Variants in STK38L observed in about 807,000 individuals in gnomAD.
STK38L encodes serine/threonine kinase 38 like.
In STK38L, 28 loss-of-function variants were observed where a neutral mutation model predicts 59.7. The ratio of observed to expected loss-of-function variants is 0.47; its 90% confidence interval spans 0.35 to 0.64. The LOEUF (loss-of-function observed/expected upper bound fraction) is 0.64. Ranked by LOEUF, STK38L falls within the 30% of genes least tolerant of loss-of-function variation. STK38L has a pLI of 0.01. For synonymous variants in STK38L, 162 were observed against 176.8 expected, an observed-to-expected ratio of 0.92 and a Z score of 0.66; for missense variants, 314 against 555.8, an observed-to-expected ratio of 0.56 and a Z score of 4.37.
chr12:27,269,994 C>T (rs1943388892), intron 1 of STK38L, among the ~76,000 whole-genome samples: 1 of 152,034 alleles, frequency 6.6e-6, no homozygotes, highest in South Asian at 2.1e-4. Context: ...TTTTGAACCC[C>T]AGGAAAAAAT....
intron 3 of STK38L, among the ~76,000 whole-genome samples, chr12:27,304,879 C>A (rs1758443090): frequency 6.6e-6 from 1 of 150,508 alleles, no homozygotes; most frequent in South Asian, 2.1e-4. Flanking sequence ...TTTACATATT[C>A]AACTTATATG....
At position 27,253,834 on chromosome 12, in the gene STK38L, G is replaced by A. The variant is rs145078691; in HGVS notation, c.-12+9502G>A. Among the ~76,000 whole-genome samples the A allele has an allele frequency of 1.4e-3, 207 of 152,314 alleles. 5 individuals are homozygous for A. In the East Asian group the frequency reaches 0.032, roughly 24 times the overall value. On this transcript the variant is annotated intron_variant, in intron 1 of 13. Coordinates refer to ENST00000389032, the MANE Select transcript of STK38L (RefSeq NM_015000.4). ...GAACCGGAATTGTTGCCGTGATGCT[G>A]GACAGGAGCAATGAACTTTTATTTG... is the stretch of plus-strand genomic sequence containing the variant.
At chr12:27,285,798 T>G (rs977730595) in intron 1 of STK38L, among the ~76,000 whole-genome samples, 11 of 152,234 alleles carry the variant, frequency 7.2e-5, no homozygotes, top group Non-Finnish European at 1.5e-5. Context: ...TCCTTAAAGC[T>G]AGAACATTTA....
intron 1 of STK38L, among the ~76,000 whole-genome samples, chr12:27,246,548 T>G (rs565107269): frequency 8.5e-4 from 130 of 152,346 alleles, no homozygotes; most frequent in African/African-American, 3.0e-3. Flanking sequence ...GAAATTATGC[T>G]TCTGTATTTT....
intron 3 of STK38L, among the ~76,000 whole-genome samples, chr12:27,304,370 G>A (rs1944257002): frequency 6.6e-6 from 1 of 151,568 alleles, no homozygotes; most frequent in Admixed American, 6.6e-5. Flanking sequence ...TCCTAGGACT[G>A]TAGCTGTTCC....
intron 1 of STK38L, among the ~76,000 whole-genome samples, chr12:27,263,423 T>C (rs1943243092): frequency 6.6e-6 from 1 of 152,184 alleles, no homozygotes; most frequent in African/African-American, 2.4e-5. Flanking sequence ...TCATGCCTGG[T>C]CTCATGGAGA....
intron 2 of STK38L, among the ~76,000 whole-genome samples, chr12:27,298,754 G>A (rs1466112339): frequency 2.6e-5 from 4 of 152,156 alleles, no homozygotes; most frequent in Non-Finnish European, 5.9e-5. Context: ...AAGAGCAGGA[G>A]GGAAGGATAT....
At chr12:27,309,084 G>T (rs1944399047) in intron 4 of STK38L, 30 bp from the exon 5 acceptor site, 1 of 1,519,178 alleles carries the variant, frequency 6.6e-7, no homozygotes, top group East Asian at 2.4e-5. Context: ...AGTAGTGACT[G>T]TTTTATAATA....
In STK38L at chr12:27,325,171, C is replaced by A. The variant is rs990983565; in HGVS notation, c.*2716C>A. On this transcript the variant is annotated 3_prime_UTR_variant, in exon 14 of 14. Coordinates refer to ENST00000389032, the MANE Select transcript of STK38L (RefSeq NM_015000.4). ...TAAATGTATTGAAGCATTGTGCTGT[C>A]TGAAAATAAGGAATTGCTTATAAAC... 7 of 152,014 alleles carry A rather than the reference C, an allele frequency of 4.6e-5. No homozygotes were observed. The highest frequency in any genetic ancestry group is 8.8e-5 in the Non-Finnish European group (6 of 67,952). 9.4% of individuals were successfully genotyped at this position (152,014 alleles called of 1,614,324 possible).
At chr12:27,257,613 A>G (rs1052447867) in intron 1 of STK38L, among the ~76,000 whole-genome samples, 2 of 152,178 alleles carry the variant, frequency 1.3e-5, no homozygotes, top group African/African-American at 4.8e-5. Flanking sequence ...TATTTGATTC[A>G]GGCTGGTGTT....
chr12:27,244,776 T>C (rs1473770043), intron 1 of STK38L, among the ~76,000 whole-genome samples: 1 of 152,106 alleles, frequency 6.6e-6, no homozygotes, highest in Non-Finnish European at 1.5e-5. Flanking sequence ...TTGTGTACCG[T>C]TCCTAAAAAC....
At chr12:27,251,886 A>T (rs937190795) in intron 1 of STK38L, among the ~76,000 whole-genome samples, 5 of 152,362 alleles carry the variant, frequency 3.3e-5, no homozygotes, top group Non-Finnish European at 5.9e-5. Context: ...AACTAAAACA[A>T]TTATGATAAA....
In STK38L at chr12:27,324,167, G is replaced by A. The variant is rs1241711938; in HGVS notation, c.*1712G>A. On this transcript the variant is annotated 3_prime_UTR_variant, in exon 14 of 14. Coordinates refer to ENST00000389032, the MANE Select transcript of STK38L (RefSeq NM_015000.4). ...TTGTTTCTTTTTAAATATTTGTTGA[G>A]TACTTACGTGTTTATCTAACAGTTC... 2 of 151,914 alleles carry A rather than the reference G, an allele frequency of 1.3e-5. No homozygotes were observed. Among genetic ancestry groups the A allele is most frequent in the African/African-American group, 4.8e-5 (2 of 41,402 alleles). The allele number at this position is 151,914 out of a possible 1,614,324, so 9.4% of individuals were successfully genotyped here. A position where few individuals can be genotyped will look rare whatever the true frequency, so the allele number is the denominator to read the frequency against.
intron 5 of STK38L, among the ~76,000 whole-genome samples, 184 bp downstream of exon 5, chr12:27,309,381 T>C (rs1944405203): frequency 6.6e-6 from 1 of 152,232 alleles, no homozygotes; most frequent in Non-Finnish European, 1.5e-5. Context: ...AATCTATGTA[T>C]GTCTGCTTAG....
intron 3 of STK38L, among the ~76,000 whole-genome samples, chr12:27,304,776 A>G (rs1057352207): frequency 4.6e-5 from 7 of 151,910 alleles, no homozygotes; most frequent in Middle Eastern, 3.4e-3. Flanking sequence ...CAGATGCCCA[A>G]ACACTAAGCA....
intron 9 of STK38L, 137 bp downstream of exon 9, chr12:27,315,487 G>T (rs558782765): frequency 1.2e-5 from 8 of 681,198 alleles, no homozygotes; most frequent in Non-Finnish European, 1.9e-5. Flanking sequence ...GGATCACACA[G>T]TTTTCTTAGT....
intron 1 of STK38L, among the ~76,000 whole-genome samples, chr12:27,278,454 A>G (rs1022490110): frequency 2.0e-5 from 3 of 152,050 alleles, no homozygotes; most frequent in African/African-American, 7.2e-5. Context: ...TCTTTTTTCG[A>G]CAATTTTATA....
At chr12:27,274,576 A>G (rs1324849479) in intron 1 of STK38L, among the ~76,000 whole-genome samples, 1 of 152,216 alleles carries the variant, frequency 6.6e-6, no homozygotes, top group Non-Finnish European at 1.5e-5. Flanking sequence ...AGTCCATTTC[A>G]TGTGTTTAAT....
rs1159405502 is a variant in STK38L, at chr12:27,279,495, C to T, written c.-11-18215C>T. On this transcript the variant is annotated intron_variant, in intron 1 of 13. Coordinates refer to ENST00000389032, the MANE Select transcript of STK38L (RefSeq NM_015000.4). ...ATCCCACCACTTTGGGAGGCCGAGG[C>T]GGGTGGATCACCTGAGGTCAGGCGT... Among the ~76,000 whole-genome samples the T allele has an allele frequency of 2.6e-5, 4 of 151,822 alleles. No individual in the cohort carries two copies. In the East Asian group the frequency reaches 5.8e-4, roughly 22 times the overall value.
Sources: gnomAD v4.1 joint callset for allele counts (sites outside exome capture counted in the v4.1 genomes callset) on GRCh38, gnomAD v4.1.1 for gene constraint, MANE v1.5 for transcripts, NCBI Gene and HGNC (gene_info 2026-07-23, HGNC 2026-07-21) for gene names.